Variants in VPS13D observed in about 807,000 individuals in gnomAD.
VPS13D encodes vacuolar protein sorting 13 homolog D, also known as intermembrane lipid transfer protein VPS13D.
VPS13D carries 187 observed loss-of-function variants against 461.9 expected under a neutral mutation model. The observed-to-expected ratio is 0.40, with a 90% CI of 0.36 to 0.46. The LOEUF (loss-of-function observed/expected upper bound fraction) is 0.46. Among genes scored for constraint, VPS13D ranks in the 20% least tolerant of loss-of-function variants. VPS13D has a pLI of 0.60. For synonymous variants in VPS13D, 1,951 were observed against 1,986.3 expected (o/e 0.98, Z 0.47); for missense variants, 4,711 against 5,364.9 (o/e 0.88, Z 3.81).
At chr1:12,390,541 A>G (rs1336236568) in intron 60 of VPS13D, among the ~76,000 whole-genome samples, 1 of 152,186 alleles carries the variant, frequency 6.6e-6, no homozygotes, top group East Asian at 1.9e-4. Context: ...GAGTCCACAG[A>G]GGTAGTCTTG....
chr1:12,370,983 T>G lies in VPS13D; in HGVS notation c.10808+1281T>G, dbSNP rs72868227. ...TAAGAGGTTGAACCATCTTTTGGAG[T>G]ATATCAGATACTAATTATTTGCATT... On this transcript the variant is annotated intron_variant, in intron 54 of 69. Transcript: ENST00000620676. Among the ~76,000 whole-genome samples the G allele has an allele frequency of 4.2e-3, 634 of 152,216 alleles. 5 individuals carry two copies. The highest frequency in any genetic ancestry group is 0.014 in the African/African-American group (597 of 41,510).
At position 12,493,501 on chromosome 1, in the gene VPS13D, AG is replaced by A. The variant is rs767005692; in HGVS notation, c.12663-3998del. Reference sequence around the variant, plus strand: ...CCATCTCAAAAAAAAAAAAAAAAAAAGACTAGAGTCCTTTCCCTCCAGGTGC... The same window carrying A: ...CCATCTCAAAAAAAAAAAAAAAAAAAACTAGAGTCCTTTCCCTCCAGGTGC... On this transcript the variant is annotated intron_variant, in intron 67 of 69. Transcript: ENST00000620676. 4.6e-5 allele frequency among the ~76,000 whole-genome samples: 7 copies of A among 150,844 alleles called. No homozygotes were observed. The South Asian group carries it at 1.5e-3, about 32-fold the overall frequency.
At chr1:12,244,156 G>A in intron 3 of VPS13D, 90 bp from the exon 4 acceptor site, 3 of 1,354,484 alleles carry the variant, frequency 2.2e-6, no homozygotes, top group Non-Finnish European at 3.0e-6. Context: ...AGCAATCCAT[G>A]CTCCTTAAAC....
chr1:12,302,953 G>T (rs1642466333), intron 25 of VPS13D, among the ~76,000 whole-genome samples: 2 of 151,560 alleles, frequency 1.3e-5, no homozygotes, highest in African/African-American at 2.4e-5. Flanking sequence ...ATTCCATAAG[G>T]GCTGTTTGGA....
Position 12,299,922 on chromosome 1 carries a change from T to C in VPS13D, c.6216+538T>C, listed in dbSNP as rs1313346365. On this transcript the variant is annotated intron_variant, in intron 25 of 69. Transcript: ENST00000620676. The surrounding 1 kb of genome is among the most constrained non-coding windows in gnomAD (Gnocchi z 4.2). ...GCACCTTTTTTTTTTTTTCAACTTT[T>C]GTTTTAGATACAGGGGGTACATGTG... Among the ~76,000 whole-genome samples, 1 of 151,994 alleles carries C rather than the reference T, an allele frequency of 6.6e-6. No homozygotes were observed. Among genetic ancestry groups the C allele is most frequent in the African/African-American group, 2.4e-5 (1 of 41,392 alleles).
chr1:12,490,803 G>A (rs1645869557), intron 67 of VPS13D, among the ~76,000 whole-genome samples: 2 of 151,822 alleles, frequency 1.3e-5, no homozygotes, highest in African/African-American at 4.8e-5. Flanking sequence ...CATGGTGGGA[G>A]CTACAGGTCC....
chr1:12,266,894 A>G lies in VPS13D; in HGVS notation c.1608A>G (p.Leu536=). ...TATCTTTTATAGATGTAAAACTTCT[A>G]GCAGAGTCTCTTCCTCGAAGAAATT... ...MQLEFSDVKL[L]AESLPRRNSS... Residue 536 remains leucine (L), a synonymous_variant, in exon 14 of 70, where the codon CTA becomes CTG. Coordinates refer to ENST00000620676, the MANE Select transcript of VPS13D (RefSeq NM_015378.4). 6.3e-7 allele frequency: 1 copy of G among 1,595,792 alleles called. No homozygotes were observed. Among genetic ancestry groups the G allele is most frequent in the Non-Finnish European group, 8.5e-7 (1 of 1,173,078 alleles).
At chr1:12,307,724 T>C (rs540505285) in intron 26 of VPS13D, among the ~76,000 whole-genome samples, 201 of 152,286 alleles carry the variant, frequency 1.3e-3, no homozygotes, top group African/African-American at 4.6e-3. Context: ...ACTCCTGACC[T>C]CAGGTGATCC....
chr1:12,484,601 T>C (rs919120757), intron 67 of VPS13D, among the ~76,000 whole-genome samples: 6 of 152,200 alleles, frequency 3.9e-5, no homozygotes, highest in Admixed American at 2.6e-4. Flanking sequence ...TACTTCCTTA[T>C]GTGAATCTTG....
chr1:12,504,629 C>T (rs1646080210), intron 68 of VPS13D, among the ~76,000 whole-genome samples: 2 of 152,236 alleles, frequency 1.3e-5, no homozygotes, highest in South Asian at 4.1e-4. Flanking sequence ...CGGCCAGAGT[C>T]AGCCAGCGGG....
intron 60 of VPS13D, among the ~76,000 whole-genome samples, chr1:12,387,081 A>T (rs1359189341): frequency 6.6e-6 from 1 of 152,220 alleles, no homozygotes; most frequent in Non-Finnish European, 1.5e-5. Context: ...GAAACTACCC[A>T]TCTGAAAGGA....
intron 5 of VPS13D, among the ~76,000 whole-genome samples, chr1:12,248,429 A>T (rs1375148183): frequency 6.6e-6 from 1 of 151,758 alleles, no homozygotes; most frequent in Non-Finnish European, 1.5e-5. Flanking sequence ...TGCAGCCTCC[A>T]TCTCATGGGC....
chr1:12,291,231 T>A (rs1247905496), intron 23 of VPS13D, 107 bp downstream of exon 23: 12 of 1,247,890 alleles, frequency 9.6e-6, no homozygotes, highest in Non-Finnish European at 1.3e-5. Flanking sequence ...TTTTACCTTC[T>A]TAGAGGTGAA....
intron 65 of VPS13D, among the ~76,000 whole-genome samples, chr1:12,434,679 T>C (rs1645036630): frequency 6.6e-6 from 1 of 152,246 alleles, no homozygotes; most frequent in African/African-American, 2.4e-5. Flanking sequence ...ATCAGCCTGA[T>C]AATGATACAT....
intron 65 of VPS13D, among the ~76,000 whole-genome samples, chr1:12,417,597 G>A (rs2100241017): frequency 6.6e-6 from 1 of 152,260 alleles, no homozygotes; most frequent in East Asian, 1.9e-4. Flanking sequence ...GAGCATTTTT[G>A]TAGTGAGATC....
chr1:12,456,719 TCTTA>T (rs1645335062), intron 66 of VPS13D, among the ~76,000 whole-genome samples: 1 of 151,738 alleles, frequency 6.6e-6, no homozygotes. Flanking sequence ...TTCCAAGCTC[TCTTA>T]CTTTATCCTC....
chr1:12,334,927 A>G (rs1643413279), intron 38 of VPS13D, among the ~76,000 whole-genome samples: 1 of 152,258 alleles, frequency 6.6e-6, no homozygotes, highest in Non-Finnish European at 1.5e-5. Context: ...TCTGTAGCCA[A>G]GTGTTCTAAT....
At chr1:12,271,883 A>C (rs538239572) in intron 17 of VPS13D, among the ~76,000 whole-genome samples, 1 of 152,284 alleles carries the variant, frequency 6.6e-6, no homozygotes, top group South Asian at 2.1e-4. Flanking sequence ...GGGAGGGCCA[A>C]GAGACATCTT....
At chr1:12,375,217 G>A (rs1644181983) in intron 55 of VPS13D, among the ~76,000 whole-genome samples, 1 of 152,162 alleles carries the variant, frequency 6.6e-6, no homozygotes, top group Non-Finnish European at 1.5e-5. Context: ...TCTCCAGGGA[G>A]CCCTCATCCC....
Sources: allele counts gnomAD v4.1 joint callset (sites outside exome capture counted in the v4.1 genomes callset), GRCh38; gene constraint gnomAD v4.1.1; non-coding constraint Gnocchi (gnomAD v3.1); transcripts MANE v1.5; gene names NCBI Gene and HGNC (gene_info 2026-07-23, HGNC 2026-07-21).